Variants in FAXC observed in about 807,000 individuals in gnomAD.
FAXC encodes failed axon connections homolog.
In FAXC, 10 loss-of-function variants were observed where a neutral mutation model predicts 41.9. That is an observed-to-expected ratio of 0.24 (90% CI 0.15 to 0.41). The LOEUF (loss-of-function observed/expected upper bound fraction) is 0.41. Ranked by LOEUF, FAXC falls within the 10% of genes least tolerant of loss-of-function variation. The probability of loss-of-function intolerance (pLI) is 1.00; values close to 1 mark genes in which losing one functional copy is unlikely to be tolerated. For synonymous variants in FAXC, 183 were observed against 183.8 expected, an observed-to-expected ratio of 1.00 and a Z score of 0.03; for missense variants, 399 against 510.9, an observed-to-expected ratio of 0.78 and a Z score of 2.11.
intron 3 of FAXC, among the ~76,000 whole-genome samples, chr6:99,332,906 T>C (rs1773080367): frequency 6.6e-6 from 1 of 152,194 alleles, no homozygotes; most frequent in Non-Finnish European, 1.5e-5. Flanking sequence ...TCAAGGCCCA[T>C]CAAATTATAG....
intron 4 of FAXC, among the ~76,000 whole-genome samples, chr6:99,321,394 G>C (rs1421538742): frequency 6.6e-6 from 1 of 152,236 alleles, no homozygotes; most frequent in Non-Finnish European, 1.5e-5. Context: ...GGGGATGGCA[G>C]GGAGGTAGTT....
intron 1 of FAXC, among the ~76,000 whole-genome samples, chr6:99,346,696 C>A (rs952594499): frequency 6.6e-6 from 1 of 152,042 alleles, no homozygotes; most frequent in African/African-American, 2.4e-5. Context: ...TGCCGCGCGC[C>A]GGGCCAAAGT....
intron 2 of FAXC, among the ~76,000 whole-genome samples, chr6:99,338,705 C>G (rs748697182): frequency 2.0e-5 from 3 of 152,184 alleles, no homozygotes; most frequent in Non-Finnish European, 4.4e-5. Context: ...CTCCAAGTGA[C>G]ACACATCTTC....
Position 99,349,457 on chromosome 6 carries a change from A to AGGCGCGCGGAG in FAXC, c.-96_-86dup. 1 of 1,002,456 alleles carries AGGCGCGCGGAG rather than the reference A, an allele frequency of 1.0e-6. No individual in the cohort carries two copies. The highest frequency in any genetic ancestry group is 1.2e-6 in the Non-Finnish European group (1 of 836,792). 62.1% of individuals were successfully genotyped at this position (1,002,456 alleles called of 1,614,324 possible). On this transcript the variant is annotated 5_prime_UTR_variant, in exon 1 of 6. Coordinates refer to ENST00000389677, the MANE Select transcript of FAXC (RefSeq NM_032511.4). ...CCGGCGCGGCCCGGCGCGGGCTCAG[A>AGGCGCGCGGAG]GGCGCGCGGAGGGCGCGGGCGGCGC...
intron 1 of FAXC, among the ~76,000 whole-genome samples, 183 bp from the exon 2 acceptor site, chr6:99,343,216 G>A (rs1773484684): frequency 6.6e-6 from 1 of 152,120 alleles, no homozygotes; most frequent in Non-Finnish European, 1.5e-5. Flanking sequence ...CAGCACTCAT[G>A]GAAGCTTAGT....
intron 3 of FAXC, among the ~76,000 whole-genome samples, chr6:99,330,203 A>G (rs1219432433): frequency 1.3e-5 from 2 of 152,042 alleles, no homozygotes; most frequent in African/African-American, 4.8e-5. Context: ...TAATAACTAG[A>G]TAGTCTGAAA....
chr6:99,288,425 A>C (rs1771102856), intron 5 of FAXC, among the ~76,000 whole-genome samples: 1 of 152,144 alleles, frequency 6.6e-6, no homozygotes, highest in Non-Finnish European at 1.5e-5. Flanking sequence ...TGGTAGGAGA[A>C]CGGAGGGAAT....
intron 4 of FAXC, among the ~76,000 whole-genome samples, chr6:99,293,193 C>T (rs1291608614): frequency 6.6e-6 from 1 of 152,188 alleles, no homozygotes; most frequent in African/African-American, 2.4e-5. Context: ...CCAAACTCAA[C>T]TTAGAACTTA....
At chr6:99,284,991 A>G (rs1299361322) in intron 5 of FAXC, among the ~76,000 whole-genome samples, 1 of 149,612 alleles carries the variant, frequency 6.7e-6, no homozygotes, top group African/African-American at 2.5e-5. Flanking sequence ...AAGTGTACTC[A>G]ACAATCGGAT....
chr6:99,346,696 C>T (rs952594499), intron 1 of FAXC, among the ~76,000 whole-genome samples: 4 of 152,160 alleles, frequency 2.6e-5, no homozygotes, highest in Admixed American at 2.6e-4. Context: ...TGCCGCGCGC[C>T]GGGCCAAAGT....
chr6:99,319,468 T>C (rs1270080885), intron 4 of FAXC, among the ~76,000 whole-genome samples: 3 of 150,986 alleles, frequency 2.0e-5, no homozygotes, highest in African/African-American at 7.3e-5. Flanking sequence ...AAACCTCTCC[T>C]TCCAGATGCT....
intron 1 of FAXC, among the ~76,000 whole-genome samples, chr6:99,348,423 T>A (rs1773672505): frequency 6.6e-6 from 1 of 152,242 alleles, no homozygotes; most frequent in African/African-American, 2.4e-5. Context: ...GTAAACATTC[T>A]GCGGCAGCGG....
rs549091310 is a variant in FAXC at position 99,342,016 on chromosome 6, C to T, written c.402+882G>A. 1.8e-4 allele frequency among the ~76,000 whole-genome samples: 27 copies of T among 152,256 alleles called. 1 individual carries two copies. Among genetic ancestry groups the T allele is most frequent in the African/African-American group, 6.5e-4 (27 of 41,550 alleles). ...GAATTGAATGACTATGAAAACACAG[C>T]GTGTTGACTTTGTGAGACACAGCTC... On this transcript the variant is annotated intron_variant, in intron 2 of 5. Coordinates refer to ENST00000389677, the MANE Select transcript of FAXC (RefSeq NM_032511.4).
intron 4 of FAXC, among the ~76,000 whole-genome samples, chr6:99,314,516 G>C (rs1477939849): frequency 1.3e-5 from 2 of 152,208 alleles, no homozygotes; most frequent in South Asian, 4.1e-4. Flanking sequence ...CAAGGCTTCA[G>C]TGAGCTATGA....
intron 5 of FAXC, 127 bp from the exon 6 acceptor site, chr6:99,281,580 G>A: frequency 1.3e-6 from 1 of 772,596 alleles, no homozygotes; most frequent in Non-Finnish European, 2.1e-6. Context: ...TAAGGAGGTG[G>A]GGCCTTTAAG....
chr6:99,297,060 C>T (rs146287659), intron 4 of FAXC, among the ~76,000 whole-genome samples: 2,725 of 152,262 alleles, frequency 0.018, 33 homozygotes, highest in Non-Finnish European at 0.025. Context: ...CTTACCCAGA[C>T]TTGAGTTCAC....
intron 4 of FAXC, among the ~76,000 whole-genome samples, chr6:99,298,229 CT>C (rs57836761): frequency 0.62 from 87,853 of 142,324 alleles, 26,615 homozygotes; most frequent in African/African-American, 0.72. Context: ...ACCTGGAAGG[CT>C]TTTTTTTTTT....
chr6:99,293,942 G>T (rs1028160619), intron 4 of FAXC, among the ~76,000 whole-genome samples: 1 of 152,100 alleles, frequency 6.6e-6, no homozygotes, highest in Non-Finnish European at 1.5e-5. Flanking sequence ...AAAGACAGGA[G>T]GGGGAAATGG....
chr6:99,349,022 C>G, intron 1 of FAXC, 85 bp downstream of exon 1: 1 of 1,343,712 alleles, frequency 7.4e-7, no homozygotes, highest in Non-Finnish European at 1.0e-6. Context: ...GACCGAGGGG[C>G]TGGCACGGGC....
Sources: gnomAD v4.1 joint callset for allele counts (sites outside exome capture counted in the v4.1 genomes callset) on GRCh38, gnomAD v4.1.1 for gene constraint, MANE v1.5 for transcripts, NCBI Gene and HGNC (gene_info 2026-07-23, HGNC 2026-07-21) for gene names.